POLR1E: variants seen among roughly 807,000 people sequenced by gnomAD.
POLR1E encodes RNA polymerase I subunit E, also known as DNA-directed RNA polymerase I subunit RPA49.
In POLR1E, 37 loss-of-function variants were observed where a neutral mutation model predicts 50.9. The ratio of observed to expected loss-of-function variants is 0.73; its 90% CI spans 0.56 to 0.96. The LOEUF (loss-of-function observed/expected upper bound fraction) is 0.96, where lower values mean the gene tolerates loss of function less well. Among genes scored for constraint, POLR1E ranks in the 40% least tolerant of loss-of-function variants. The pLI is 0.00. For synonymous variants in POLR1E, 166 were observed against 191.6 expected, an observed-to-expected ratio of 0.87 and a Z score of 1.10; for missense variants, 426 against 518.1, an observed-to-expected ratio of 0.82 and a Z score of 1.73.
chr9:37,497,425 C>T (rs145818059), intron 8 of POLR1E, among the ~76,000 whole-genome samples: 25 of 152,266 alleles, frequency 1.6e-4, no homozygotes, highest in Middle Eastern at 6.8e-3. Context: ...GGATTGAAAC[C>T]CAGGCAGGCT....
rs981272177 is a variant in POLR1E at position 37,501,818 on chromosome 9, G to A, written c.1074G>A (p.Gln358=). 3 of 1,613,914 alleles carry A rather than the reference G, an allele frequency of 1.9e-6. No homozygotes were observed. Among genetic ancestry groups the A allele is most frequent in the African/African-American group, 2.7e-5 (2 of 74,910 alleles). ...HDFQIDLTVL[Q]RDLKLSEKRM... Reference sequence around the variant, plus strand: ...TCCAAATTGACCTGACAGTGTTACAGAGGGACTTGAAGCTCAGTGAGAAAA... The same window carrying A: ...TCCAAATTGACCTGACAGTGTTACAAAGGGACTTGAAGCTCAGTGAGAAAA... Residue 358 remains glutamine, a synonymous_variant, in exon 11 of 12, where the codon CAG becomes CAA. Coordinates refer to ENST00000377798, the MANE Select transcript of POLR1E (RefSeq NM_022490.4).
chr9:37,495,948 C>A lies in POLR1E; in HGVS notation c.714C>A (p.Val238=), dbSNP rs115817892. ...LQSPSEAFRN[V]TSEEILKMIE... is the part of the protein sequence containing the mutation. Reference sequence around the variant, plus strand: ...GCCCATCTGAAGCTTTCAGGAACGTCACGTCAGAAGAAATACTGAAGATGA... The same window carrying A: ...GCCCATCTGAAGCTTTCAGGAACGTAACGTCAGAAGAAATACTGAAGATGA... The change falls in exon 8 of 12, where the codon GTC becomes GTA. Residue 238 remains valine, a synonymous_variant. Transcript: ENST00000377798. 3.6e-4 allele frequency: 575 copies of A among 1,614,078 alleles called. 4 individuals are homozygous for A. In the African/African-American group the frequency reaches 6.9e-3, roughly 19 times the overall value.
chr9:37,503,546 C>T lies in POLR1E; in HGVS notation c.*344C>T, dbSNP rs1820933420. On this transcript the variant is annotated 3_prime_UTR_variant, in exon 12 of 12. Coordinates refer to ENST00000377798, the MANE Select transcript of POLR1E (RefSeq NM_022490.4). ...TGAGCTATGATTGTGTGGCCACACTCCATCCTGGGTCACAGAGTGAGACCT... is the reference window on the plus strand; with the variant it reads ...TGAGCTATGATTGTGTGGCCACACTTCATCCTGGGTCACAGAGTGAGACCT... 1 of 177,916 alleles carries T rather than the reference C, an allele frequency of 5.6e-6. No homozygotes were observed. Among genetic ancestry groups the T allele is most frequent in the African/African-American group, 2.4e-5 (1 of 42,550 alleles). The allele number at this position is 177,916 out of a possible 1,614,324, so 11.0% of individuals were successfully genotyped here.
chr9:37,497,763 G>A (rs1045025922), intron 8 of POLR1E, among the ~76,000 whole-genome samples: 4 of 152,008 alleles, frequency 2.6e-5, no homozygotes, highest in East Asian at 1.9e-4. Context: ...GCTTTTGTTC[G>A]TTTGTTTTTT....
intron 4 of POLR1E, chr9:37,492,354 C>G: frequency 7.8e-7 from 1 of 1,284,154 alleles, no homozygotes; most frequent in Non-Finnish European, 1.0e-6. Flanking sequence ...GTCTCTGCCA[C>G]TACCTGGTGA....
chr9:37,502,994 C>T (rs770118591), intron 11 of POLR1E, 49 bp from the exon 12 acceptor site: 1 of 1,539,374 alleles, frequency 6.5e-7, no homozygotes, highest in Non-Finnish European at 8.8e-7. Flanking sequence ...CCTCCCTGAA[C>T]AGTCATGTTG....
At position 37,503,419 on chromosome 9, in the gene POLR1E, GA is replaced by G. The variant is rs60990519; in HGVS notation, c.*227del. The G allele has an allele frequency of 2.4e-3, 888 of 373,564 alleles. 2 individuals carry two copies. The highest frequency in any genetic ancestry group is 6.5e-3 in the South Asian group (92 of 14,090). 23.1% of individuals were successfully genotyped at this position (373,564 alleles called of 1,614,324 possible). Reference sequence around the variant, plus strand: ...TAGGGAGACCCCATCTCTACCGGAGGAAAAAAAAAAGAGTCAGGCCTGGTGG... The same window carrying G: ...TAGGGAGACCCCATCTCTACCGGAGGAAAAAAAAAGAGTCAGGCCTGGTGG... On this transcript the variant is annotated 3_prime_UTR_variant, in exon 12 of 12. Transcript: ENST00000377798.
chr9:37,492,793 G>A, intron 5 of POLR1E, 78 bp downstream of exon 5: 5 of 1,332,164 alleles, frequency 3.8e-6, no homozygotes, highest in East Asian at 2.4e-5. Flanking sequence ...AGTGAAATGA[G>A]CTTGTTGAAC....
At chr9:37,488,037 G>A (rs1452199538) in intron 3 of POLR1E, 98 bp downstream of exon 3, 3 of 1,237,300 alleles carry the variant, frequency 2.4e-6, no homozygotes, top group East Asian at 2.4e-5. Context: ...GGTAGCAGGA[G>A]CCATCTAGAG....
intron 8 of POLR1E, among the ~76,000 whole-genome samples, chr9:37,497,083 C>T (rs780529250): frequency 1.3e-5 from 2 of 152,166 alleles, no homozygotes; most frequent in Admixed American, 1.3e-4. Flanking sequence ...CCGCTGGGCA[C>T]GGTGGCTCAC....
At chr9:37,502,556 C>A (rs1392160385) in intron 11 of POLR1E, among the ~76,000 whole-genome samples, 3 of 152,232 alleles carry the variant, frequency 2.0e-5, no homozygotes, top group Non-Finnish European at 4.4e-5. Flanking sequence ...TTAGGGGCAT[C>A]TGACATCCAG....
At chr9:37,491,321 G>A (rs1481214804) in intron 4 of POLR1E, among the ~76,000 whole-genome samples, 1 of 152,168 alleles carries the variant, frequency 6.6e-6, no homozygotes, top group Non-Finnish European at 1.5e-5. Flanking sequence ...TACCTCAGAG[G>A]CATTAGTTCC....
intron 7 of POLR1E, 107 bp from the exon 8 acceptor site, chr9:37,495,783 G>T: frequency 1.3e-6 from 1 of 775,442 alleles, no homozygotes. Context: ...TGTGATCTTT[G>T]GCTCTCTGAG....
In POLR1E at chr9:37,503,326, C is replaced by T. The variant is rs1820927956; in HGVS notation, c.*124C>T. 16 of 1,256,722 alleles carry T rather than the reference C, an allele frequency of 1.3e-5. No homozygotes were observed. The South Asian group carries it at 2.7e-4, about 21-fold the overall frequency. 77.8% of individuals were successfully genotyped at this position (1,256,722 alleles called of 1,614,324 possible). A position where few individuals can be genotyped will look rare whatever the true frequency, so the allele number is the denominator to read the frequency against. ...GGGATGGTGGCTCACACCTGAAATC[C>T]CAGCACTTTGGGAGGCCGAGGCAGG... On this transcript the variant is annotated 3_prime_UTR_variant, in exon 12 of 12. Transcript: ENST00000377798.
rs746555602 is a variant in POLR1E at position 37,492,684 on chromosome 9, T to A, written c.371T>A (p.Leu124Gln). The A allele has an allele frequency of 1.2e-6, 2 of 1,614,074 alleles. No individual in the cohort carries two copies. Among genetic ancestry groups the A allele is most frequent in the Non-Finnish European group, 1.7e-6 (2 of 1,179,936 alleles). The change falls in exon 5 of 12, where the codon CTA becomes CAA. Residue 124 changes from leucine to glutamine, a missense_variant. Physicochemically the swap from Leu to Gln is moderately radical, Grantham distance 113 (BLOSUM62 -2). Transcript: ENST00000377798. The stretch of plus-strand genomic sequence containing the variant: ...GTATCAGTTGAGAGTGAACTGGCGC[T>A]AGAGAGTCAGACCAAAACTTACAGA... ...SDVSVESELALESQTKTYREK... is the reference protein window; with the variant it reads ...SDVSVESELAQESQTKTYREK...
In POLR1E at chr9:37,496,564, T is replaced by C. The variant is rs59015876; in HGVS notation, c.752+578T>C. Among the ~76,000 whole-genome samples the C allele has an allele frequency of 6.8e-3, 1,028 of 151,888 alleles. 19 individuals carry two copies. Among genetic ancestry groups the C allele is most frequent in the African/African-American group, 0.022 (930 of 41,454 alleles). ...AATCTGAGGTTTGTTCCTCCAGTTT[T>C]TGTTTTAAAATTTTACTGGTCATTG... On this transcript the variant is annotated intron_variant, in intron 8 of 11. Transcript: ENST00000377798.
intron 5 of POLR1E, among the ~76,000 whole-genome samples, 165 bp from the exon 6 acceptor site, chr9:37,493,394 T>C (rs1199222570): frequency 2.0e-5 from 3 of 152,202 alleles, no homozygotes; most frequent in African/African-American, 7.2e-5. Context: ...TAATATCATT[T>C]GGTGCTTACA....
chr9:37,500,186 TTTTGTTTTG>T (rs1365545698), intron 9 of POLR1E, among the ~76,000 whole-genome samples: 2 of 150,316 alleles, frequency 1.3e-5, no homozygotes, highest in African/African-American at 2.5e-5. Flanking sequence ...TTTTGTTTTG[TTTTGTTTTG>T]TTTTTTTGAG....
rs1820636001 is a variant in POLR1E at position 37,489,298 on chromosome 9, A to G, written c.258-17A>G. 10 of 1,546,998 alleles carry G rather than the reference A, an allele frequency of 6.5e-6. No individual in the cohort carries two copies. Among genetic ancestry groups the G allele is most frequent in the Non-Finnish European group, 8.8e-6 (10 of 1,134,946 alleles). ...TGAATAATCCATTGTTATTTGTATT[A>G]TTTCTTCTTTATTCAGGCACTTTGT... On this transcript the variant is annotated splice_polypyrimidine_tract_variant and intron_variant, in intron 3 of 11. Coordinates refer to ENST00000377798, the MANE Select transcript of POLR1E (RefSeq NM_022490.4).
Sources: gnomAD v4.1 joint callset for allele counts (sites outside exome capture counted in the v4.1 genomes callset) on GRCh38, gnomAD v4.1.1 for gene constraint, MANE v1.5 for transcripts, NCBI Gene and HGNC (gene_info 2026-07-23, HGNC 2026-07-21) for gene names.